OSBPL9: variants seen among roughly 807,000 people sequenced by gnomAD.
The protein encoded by OSBPL9 is oxysterol binding protein like 9.
In OSBPL9, 40 loss-of-function variants were observed where a neutral mutation model predicts 106.6. That is an observed-to-expected ratio of 0.38 (90% CI 0.29 to 0.49). The LOEUF (loss-of-function observed/expected upper bound fraction) is 0.49. Ranked by LOEUF, OSBPL9 falls within the 20% of genes least tolerant of loss-of-function variation. OSBPL9 has a pLI of 0.97. For missense variants in OSBPL9, 609 were observed against 887.2 expected, an observed-to-expected ratio of 0.69 and a Z score of 3.98; for synonymous variants, 269 against 295.4, an observed-to-expected ratio of 0.91 and a Z score of 0.92.
At chr1:51,649,071 G>C (rs905016490) in intron 1 of OSBPL9, among the ~76,000 whole-genome samples, 4 of 151,686 alleles carry the variant, frequency 2.6e-5, no homozygotes, top group African/African-American at 9.7e-5. Flanking sequence ...TTCAGGATCT[G>C]GTCCCTGTAA....
chr1:51,607,975 CCT>C (rs1323914512), intron 2 of OSBPL9, among the ~76,000 whole-genome samples: 2 of 152,194 alleles, frequency 1.3e-5, no homozygotes, highest in African/African-American at 4.8e-5. Context: ...TTGCATCTCT[CCT>C]CTCTTGATTT....
At chr1:51,761,505 A>G (rs1301723858) in intron 10 of OSBPL9, among the ~76,000 whole-genome samples, 1 of 151,938 alleles carries the variant, frequency 6.6e-6, no homozygotes, top group African/African-American at 2.4e-5. Flanking sequence ...AGCTTAAACT[A>G]CCTCTTGGGG....
In OSBPL9 at chr1:51,653,331, G is replaced by A. The variant is rs140667071; in HGVS notation, c.162+1290G>A. 4.0e-3 allele frequency among the ~76,000 whole-genome samples: 615 copies of A among 152,226 alleles called. 7 individuals carry two copies. Among genetic ancestry groups the A allele is most frequent in the African/African-American group, 0.014 (594 of 41,538 alleles). On this transcript the variant is annotated intron_variant, in intron 2 of 23. Transcript: ENST00000428468. The stretch of plus-strand genomic sequence containing the variant: ...GCTCTTTTGGCTTGAGATAAGTTCA[G>A]TAGTGAGACTTTAGCAGAACTGTCT...
chr1:51,649,407 G>A (rs1224301824), intron 1 of OSBPL9, among the ~76,000 whole-genome samples: 1 of 152,054 alleles, frequency 6.6e-6, no homozygotes, highest in South Asian at 2.1e-4. Context: ...CACTGTTCCT[G>A]GCCTTCAGTC....
chr1:51,733,503 C>A (rs758220091), intron 4 of OSBPL9, among the ~76,000 whole-genome samples: 1 of 152,110 alleles, frequency 6.6e-6, no homozygotes, highest in Admixed American at 6.6e-5. Flanking sequence ...GGGCCGGGTG[C>A]GGTGGCTCAC....
intron 1 of OSBPL9, among the ~76,000 whole-genome samples, chr1:51,597,157 A>T (rs1474193603): frequency 6.6e-6 from 1 of 152,190 alleles, no homozygotes; most frequent in Non-Finnish European, 1.5e-5. Flanking sequence ...GCTTAAGCAC[A>T]GTGAGGAAGG....
chr1:51,619,892 A>G (rs1644321884), intron 1 of OSBPL9, among the ~76,000 whole-genome samples: 1 of 152,200 alleles, frequency 6.6e-6, no homozygotes, highest in African/African-American at 2.4e-5. Context: ...GTAGCCTTCC[A>G]AGCAAGGCAG....
chr1:51,600,666 A>G (rs1262529285), intron 2 of OSBPL9, among the ~76,000 whole-genome samples: 1 of 152,098 alleles, frequency 6.6e-6, no homozygotes, highest in Non-Finnish European at 1.5e-5. Flanking sequence ...AACCTCATCT[A>G]GTTCTCATTT....
At chr1:51,643,701 C>T (rs1384693892) in intron 1 of OSBPL9, among the ~76,000 whole-genome samples, 1 of 151,836 alleles carries the variant, frequency 6.6e-6, no homozygotes, top group African/African-American at 2.4e-5. Flanking sequence ...AAGAAGTAAC[C>T]TGATCAGATT....
At chr1:51,713,443 C>T (rs1284080248) in intron 3 of OSBPL9, among the ~76,000 whole-genome samples, 1 of 152,174 alleles carries the variant, frequency 6.6e-6, no homozygotes, top group Non-Finnish European at 1.5e-5. Flanking sequence ...AGCCACTGCA[C>T]CCAGCCAGTT....
intron 3 of OSBPL9, among the ~76,000 whole-genome samples, chr1:51,694,228 A>G (rs1655567160): frequency 6.6e-6 from 1 of 152,232 alleles, no homozygotes; most frequent in Non-Finnish European, 1.5e-5. Flanking sequence ...CAAGAAACCC[A>G]TTATACTAAC....
chr1:51,681,404 A>G (rs1234481412), intron 3 of OSBPL9, among the ~76,000 whole-genome samples: 2 of 152,186 alleles, frequency 1.3e-5, no homozygotes, highest in African/African-American at 4.8e-5. Context: ...TCAAAAATGA[A>G]CATATAGGCA....
rs1571606312 is a variant in OSBPL9, at chr1:51,760,910, A to G, written c.673+130A>G. On this transcript the variant is annotated intron_variant, in intron 10 of 23. Transcript: ENST00000428468. ...TTTTAATAAAAGCACTCAAAAAATA[A>G]TACAGCCAAAAGTGAACTGAAAAAA... 5.2e-6 allele frequency: 5 copies of G among 961,498 alleles called. No homozygotes were observed. The East Asian group carries it at 1.3e-4, about 25-fold the overall frequency. 59.6% of individuals were successfully genotyped at this position (961,498 alleles called of 1,614,324 possible).
the OSBPL9 span, among the ~76,000 whole-genome samples, chr1:51,564,905 G>A: frequency 6.6e-6 from 1 of 152,214 alleles, no homozygotes; most frequent in African/African-American, 2.4e-5. Context: ...ACCAGGAGGG[G>A]AGGGTCCATG....
chr1:51,741,174 A>T (rs1666810964), intron 4 of OSBPL9, among the ~76,000 whole-genome samples: 2 of 152,210 alleles, frequency 1.3e-5, no homozygotes, highest in African/African-American at 4.8e-5. Flanking sequence ...AGTAGGAAGT[A>T]CCGACATACA....
At chr1:51,776,331 G>A (rs1199024396) in intron 14 of OSBPL9, among the ~76,000 whole-genome samples, 3 of 152,136 alleles carry the variant, frequency 2.0e-5, no homozygotes, top group South Asian at 2.1e-4. Flanking sequence ...GTGCACACAC[G>A]CCCCAAACTC....
chr1:51,698,279 G>A (rs1656494271), intron 3 of OSBPL9, among the ~76,000 whole-genome samples: 1 of 152,096 alleles, frequency 6.6e-6, no homozygotes, highest in African/African-American at 2.4e-5. Context: ...TGGGACATTG[G>A]GGTGGCTTAG....
chr1:51,562,182 G>C, the OSBPL9 span: 2 of 152,200 alleles, frequency 1.3e-5, no homozygotes, highest in African/African-American at 4.8e-5. Context: ...GGTGAGGCCT[G>C]GTGGGAGGTG....
At chr1:51,616,003 GTT>G (rs764823727), upstream of OSBPL9, among the ~76,000 whole-genome samples, 415 of 104,448 alleles carry the variant, frequency 4.0e-3, no homozygotes, top group African/African-American at 0.013. Flanking sequence ...AAATCCTTTG[GTT>G]TTTTTTTTTT....
Sources: gnomAD v4.1 joint callset for allele counts (sites outside exome capture counted in the v4.1 genomes callset) on GRCh38, gnomAD v4.1.1 for gene constraint, MANE v1.5 for transcripts, NCBI Gene and HGNC (gene_info 2026-07-23, HGNC 2026-07-21) for gene names.